Variants in MRTFB observed in about 807,000 individuals in gnomAD.
The protein encoded by MRTFB is myocardin related transcription factor B, also known as myocardin-related transcription factor B.
Under a neutral mutation model 104.2 loss-of-function variants are expected in MRTFB, and 29 were observed. The ratio of observed to expected loss-of-function variants is 0.28; its 90% CI spans 0.21 to 0.38. The LOEUF is 0.38. Ranked by LOEUF, MRTFB falls within the 10% of genes least tolerant of loss-of-function variation. The pLI is 1.00. For synonymous variants in MRTFB, 535 were observed against 519.5 expected (o/e 1.03, Z -0.41); for missense variants, 1,270 against 1,341.6 (o/e 0.95, Z 0.83).
chr16:14,166,768 T>G (rs551991459), intron 3 of MRTFB, among the ~76,000 whole-genome samples: 1 of 152,250 alleles, frequency 6.6e-6, no homozygotes, highest in South Asian at 2.1e-4. Context: ...ATGTTTGATT[T>G]TCTGTTCCTG....
intron 2 of MRTFB, among the ~76,000 whole-genome samples, chr16:14,133,497 A>G (rs1459131260): frequency 6.6e-6 from 1 of 152,208 alleles, no homozygotes; most frequent in African/African-American, 2.4e-5. Context: ...TTAAACGTAA[A>G]TTTAAATTCC....
At chr16:14,180,769 A>T (rs551611243) in intron 3 of MRTFB, among the ~76,000 whole-genome samples, 3 of 152,180 alleles carry the variant, frequency 2.0e-5, no homozygotes, top group Non-Finnish European at 4.4e-5. Context: ...TTTGCCTTTC[A>T]TGTCCTCAGA....
At chr16:14,089,616 A>G (rs899805721) in intron 2 of MRTFB, among the ~76,000 whole-genome samples, 16 of 152,322 alleles carry the variant, frequency 1.1e-4, no homozygotes, top group African/African-American at 3.8e-4. Flanking sequence ...TAGTGGACAC[A>G]GGTTTTCATT....
chr16:14,248,696 C>G (rs568909718), intron 12 of MRTFB: 2 of 399,870 alleles, frequency 5.0e-6, no homozygotes, highest in South Asian at 8.8e-5. Flanking sequence ...AATGAAAAAT[C>G]TTAGCTACTT....
At chr16:14,223,453 AAG>A (rs537129104) in intron 8 of MRTFB, among the ~76,000 whole-genome samples, 1 of 152,168 alleles carries the variant, frequency 6.6e-6, no homozygotes, top group Non-Finnish European at 1.5e-5. Flanking sequence ...CAAAAACTAA[AAG>A]AAAGAAAACA....
At chr16:14,127,088 C>G (rs1350963163) in intron 2 of MRTFB, among the ~76,000 whole-genome samples, 1 of 152,144 alleles carries the variant, frequency 6.6e-6, no homozygotes, top group Non-Finnish European at 1.5e-5. Flanking sequence ...TGCCCATAGT[C>G]ACGATTTTTG....
chr16:14,172,582 G>A (rs1296960732), intron 3 of MRTFB, among the ~76,000 whole-genome samples: 3 of 152,088 alleles, frequency 2.0e-5, no homozygotes, highest in Admixed American at 6.5e-5. Context: ...AAAAATGCAT[G>A]TGTAGTTTTG....
Position 14,221,778 on chromosome 16 carries a change from C to CT in MRTFB, c.693+2801dup, listed in dbSNP as rs34467645. ...CTTGATTTTTTTAGATATTTCTTTC[C>CT]TTTTTTTTTTTTTTTTTTTTTGAGA... On this transcript the variant is annotated intron_variant, in intron 8 of 16. Transcript: ENST00000571589. Among the ~76,000 whole-genome samples the CT allele has an allele frequency of 3.7e-3, 260 of 70,748 alleles. 2 individuals carry two copies. The highest frequency in any genetic ancestry group is 8.1e-3 in the South Asian group (17 of 2,106). 46.4% of individuals were successfully genotyped at this position (70,748 alleles called of 152,430 possible). A position where few individuals can be genotyped will look rare whatever the true frequency, so the allele number is the denominator to read the frequency against.
At chr16:14,139,058 G>GA (rs1015335794) in intron 2 of MRTFB, among the ~76,000 whole-genome samples, 13 of 151,678 alleles carry the variant, frequency 8.6e-5, no homozygotes, top group African/African-American at 3.1e-4. Context: ...ATCCATAAAA[G>GA]AAAAAAAATT....
At chr16:14,214,962 G>A (rs556032541) in intron 6 of MRTFB, 5 of 152,294 alleles carry the variant, frequency 3.3e-5, no homozygotes, top group Admixed American at 1.3e-4. Flanking sequence ...CAGAACTCCA[G>A]TAGTAGGGTA....
At chr16:14,202,947 A>T (rs1436402417) in intron 3 of MRTFB, among the ~76,000 whole-genome samples, 1 of 152,222 alleles carries the variant, frequency 6.6e-6, no homozygotes, top group Non-Finnish European at 1.5e-5. Context: ...TAAACAATGC[A>T]TAATAAATGT....
rs571385780 is a variant in MRTFB, at chr16:14,123,678, A to G, written c.-63-16866A>G. ...TGCTGTTTTGGTTACTAGCCCTGTCATATAGTTTGAAGTCAGGTAGTGTGA... is the reference window on the plus strand; with the variant it reads ...TGCTGTTTTGGTTACTAGCCCTGTCGTATAGTTTGAAGTCAGGTAGTGTGA... On this transcript the variant is annotated intron_variant, in intron 2 of 16. Transcript: ENST00000571589. Among the ~76,000 whole-genome samples, 4 of 152,056 alleles carry G rather than the reference A, an allele frequency of 2.6e-5. No individual in the cohort carries two copies. In the South Asian group the frequency reaches 6.2e-4, roughly 24 times the overall value.
At chr16:14,205,327 G>A (rs2151137291) in intron 3 of MRTFB, among the ~76,000 whole-genome samples, 1 of 152,268 alleles carries the variant, frequency 6.6e-6, no homozygotes, top group South Asian at 2.1e-4. Flanking sequence ...CATACAGTAA[G>A]TAAATGGATT....
intron 3 of MRTFB, among the ~76,000 whole-genome samples, chr16:14,145,650 T>G (rs938992163): frequency 1.1e-4 from 16 of 152,162 alleles, no homozygotes; most frequent in Non-Finnish European, 4.4e-5. Flanking sequence ...TCCTAACAAG[T>G]GAGGCCTTAA....
At chr16:14,220,969 G>T (rs1212209696) in intron 8 of MRTFB, among the ~76,000 whole-genome samples, 2 of 152,096 alleles carry the variant, frequency 1.3e-5, no homozygotes, top group Non-Finnish European at 2.9e-5. Context: ...TGTATTAAGT[G>T]TTCTAGTATT....
chr16:14,155,378 T>C (rs1002593526), intron 3 of MRTFB, among the ~76,000 whole-genome samples: 4 of 152,230 alleles, frequency 2.6e-5, no homozygotes, highest in Admixed American at 6.5e-5. Flanking sequence ...TATATAGTTA[T>C]AGTAGCTGTT....
chr16:14,109,590 C>T (rs914786703), intron 2 of MRTFB, among the ~76,000 whole-genome samples: 3 of 152,118 alleles, frequency 2.0e-5, no homozygotes, highest in Admixed American at 6.5e-5. Flanking sequence ...TGCCAAAGTC[C>T]GTGGTACCTT....
At chr16:14,194,545 A>G (rs1170430394) in intron 3 of MRTFB, among the ~76,000 whole-genome samples, 1 of 152,188 alleles carries the variant, frequency 6.6e-6, no homozygotes, top group Non-Finnish European at 1.5e-5. Flanking sequence ...AACAGCAGTG[A>G]ATTCTTATTG....
chr16:14,167,128 A>C lies in MRTFB; in HGVS notation c.154+26368A>C, dbSNP rs148279693. Among the ~76,000 whole-genome samples, 212 of 152,308 alleles carry C rather than the reference A, an allele frequency of 1.4e-3. 7 individuals carry two copies. The East Asian group carries it at 0.036, about 26-fold the overall frequency. On this transcript the variant is annotated intron_variant, in intron 3 of 16. Coordinates refer to ENST00000571589, the MANE Select transcript of MRTFB (RefSeq NM_001308142.2). ...TGAACTAATTTACATTCCCACCAAC[A>C]GTGTAAAAGCGTTCCTATTTCTCCG...
Sources: allele counts gnomAD v4.1 joint callset (sites outside exome capture counted in the v4.1 genomes callset), GRCh38; gene constraint gnomAD v4.1.1; transcripts MANE v1.5; gene names NCBI Gene and HGNC (gene_info 2026-07-23, HGNC 2026-07-21).